The following ACTL8 variants were observed in gnomAD, a reference collection of about 807,000 sequenced individuals.
The protein encoded by ACTL8 is actin like 8.
A neutral mutation model predicts 9.3 loss-of-function variants in ACTL8; 3 were observed. That is an observed-to-expected ratio of 0.32 (90% CI 0.15 to 0.83). The LOEUF (loss-of-function observed/expected upper bound fraction) is 0.83. Ranked by LOEUF, ACTL8 falls within the 40% of genes least tolerant of loss-of-function variation. ACTL8 has a pLI of 0.57. For synonymous variants in ACTL8, 224 were observed against 205.9 expected, an observed-to-expected ratio of 1.09 and a Z score of -0.75; for missense variants, 381 against 492.2, an observed-to-expected ratio of 0.77 and a Z score of 2.14.
intron 1 of ACTL8, among the ~76,000 whole-genome samples, chr1:17,808,887 G>A (rs1403543827): frequency 2.0e-5 from 3 of 152,198 alleles, no homozygotes; most frequent in African/African-American, 7.2e-5. Context: ...GGTGCATGGA[G>A]AAGATGGGGA....
At chr1:17,795,072 A>T (rs1316566124) in intron 1 of ACTL8, among the ~76,000 whole-genome samples, 2 of 152,230 alleles carry the variant, frequency 1.3e-5, no homozygotes, top group Non-Finnish European at 2.9e-5. Context: ...AGTTTAGAAG[A>T]GGGTCCATTC....
intron 1 of ACTL8, among the ~76,000 whole-genome samples, chr1:17,803,207 C>T (rs111263896): frequency 0.11 from 16,840 of 151,534 alleles, 1,060 homozygotes; most frequent in Admixed American, 0.16. Context: ...TCCCGCCCCC[C>T]CTTTTGCTCG....
chr1:17,766,012 C>T (rs1257554319), intron 1 of ACTL8, among the ~76,000 whole-genome samples: 1 of 152,176 alleles, frequency 6.6e-6, no homozygotes, highest in Non-Finnish European at 1.5e-5. Context: ...TGTAATTTTC[C>T]CAGTGTCACC....
chr1:17,810,171 T>G, intron 1 of ACTL8, among the ~76,000 whole-genome samples: 1 of 152,216 alleles, frequency 6.6e-6, no homozygotes, highest in East Asian at 1.9e-4. Flanking sequence ...TGTCTTGCTG[T>G]CTCCCATATC....
intron 1 of ACTL8, among the ~76,000 whole-genome samples, chr1:17,764,962 C>T (rs964210727): frequency 6.6e-6 from 1 of 152,168 alleles, no homozygotes; most frequent in Non-Finnish European, 1.5e-5. Flanking sequence ...GTATAGACAC[C>T]AGATGTTGGA....
At chr1:17,790,164 C>T (rs984375485) in intron 1 of ACTL8, among the ~76,000 whole-genome samples, 8 of 152,172 alleles carry the variant, frequency 5.3e-5, no homozygotes, top group South Asian at 2.1e-4. Context: ...CGGCTGGCAC[C>T]GGGGAACACA....
chr1:17,773,978 G>A (rs1195111472), intron 1 of ACTL8, among the ~76,000 whole-genome samples: 1 of 152,216 alleles, frequency 6.6e-6, no homozygotes, highest in Non-Finnish European at 1.5e-5. Flanking sequence ...AGGTGGTGGG[G>A]TGGGCATACA....
At chr1:17,772,837 T>G (rs2066093287) in intron 1 of ACTL8, among the ~76,000 whole-genome samples, 1 of 151,924 alleles carries the variant, frequency 6.6e-6, no homozygotes, top group South Asian at 2.1e-4. Flanking sequence ...TTCTTTTGCA[T>G]CAAAGCCCAC....
chr1:17,810,198 C>G (rs2066384663), intron 1 of ACTL8, among the ~76,000 whole-genome samples: 1 of 152,166 alleles, frequency 6.6e-6, no homozygotes, highest in Non-Finnish European at 1.5e-5. Context: ...CACATCCTTT[C>G]TTTTCCTAAA....
At chr1:17,756,704 G>A (rs1376604453) in intron 1 of ACTL8, among the ~76,000 whole-genome samples, 1 of 152,134 alleles carries the variant, frequency 6.6e-6, no homozygotes, top group Non-Finnish European at 1.5e-5. Context: ...TGGTTTTCTG[G>A]TGATTTTGGG....
chr1:17,774,219 C>T (rs1477891540), intron 1 of ACTL8, among the ~76,000 whole-genome samples: 3 of 152,182 alleles, frequency 2.0e-5, no homozygotes. Flanking sequence ...GAGGACTCGG[C>T]AGCCTGACGA....
At chr1:17,799,897 T>C (rs2066307929) in intron 1 of ACTL8, among the ~76,000 whole-genome samples, 1 of 149,002 alleles carries the variant, frequency 6.7e-6, no homozygotes, top group African/African-American at 2.5e-5. Flanking sequence ...TGAATTCAGC[T>C]CTTCACACAC....
Position 17,770,010 on chromosome 1 carries a change from G to A in ACTL8, c.-25+14506G>A, listed in dbSNP as rs114871647. 4.4e-3 allele frequency among the ~76,000 whole-genome samples: 664 copies of A among 152,218 alleles called. 14 individuals carry two copies. The highest frequency in any genetic ancestry group is 0.041 in the South Asian group (196 of 4,804). ...TGAGCTATGGCTACATTTAATAGGC[G>A]TATAAATAAAAATAAAATATTTGCC... On this transcript the variant is annotated intron_variant, in intron 1 of 2. Transcript: ENST00000375406.
Position 17,783,335 on chromosome 1 carries a change from G to GT in ACTL8, c.-25+27842dup, listed in dbSNP as rs56666980. ...AGATCTGATGGTTTTAAAAAGAGGA[G>GT]TTTTTTTTTTTGTTTTGTTTTTTTT... is the stretch of plus-strand genomic sequence containing the variant. On this transcript the variant is annotated intron_variant, in intron 1 of 2. Transcript: ENST00000375406. Among the ~76,000 whole-genome samples the GT allele has an allele frequency of 2.2e-3, 300 of 139,186 alleles. 1 individual carries two copies. Among genetic ancestry groups the GT allele is most frequent in the African/African-American group, 6.1e-3 (219 of 35,956 alleles). 91.3% of individuals were successfully genotyped at this position (139,186 alleles called of 152,430 possible).
At chr1:17,766,353 G>A (rs957543911) in intron 1 of ACTL8, among the ~76,000 whole-genome samples, 8 of 152,166 alleles carry the variant, frequency 5.3e-5, no homozygotes, top group African/African-American at 1.9e-4. Context: ...CAGAGAACTT[G>A]TGCATTCCTT....
chr1:17,755,713 G>T (rs2065963411), intron 1 of ACTL8, among the ~76,000 whole-genome samples: 1 of 152,166 alleles, frequency 6.6e-6, no homozygotes, highest in Non-Finnish European at 1.5e-5. Context: ...TTAGGGACTT[G>T]ATTTCAGCTT....
chr1:17,793,942 T>C (rs533193139), intron 1 of ACTL8, among the ~76,000 whole-genome samples: 3 of 152,272 alleles, frequency 2.0e-5, no homozygotes, highest in Non-Finnish European at 4.4e-5. Context: ...CTGGCTCCAG[T>C]TGTGAGTAGC....
chr1:17,762,280 G>A (rs1233749515), intron 1 of ACTL8, among the ~76,000 whole-genome samples: 6 of 152,048 alleles, frequency 3.9e-5, no homozygotes, highest in South Asian at 2.1e-4. Flanking sequence ...CAGCAAATTC[G>A]TGGCAGGTCC....
intron 1 of ACTL8, among the ~76,000 whole-genome samples, chr1:17,811,373 C>A (rs2066392331): frequency 6.6e-6 from 1 of 152,170 alleles, no homozygotes; most frequent in Non-Finnish European, 1.5e-5. Context: ...GTGTGACTTG[C>A]AAATAGTTTC....
Sources: allele counts gnomAD v4.1 joint callset (sites outside exome capture counted in the v4.1 genomes callset), GRCh38; gene constraint gnomAD v4.1.1; transcripts MANE v1.5; gene names NCBI Gene and HGNC (gene_info 2026-07-23, HGNC 2026-07-21).